The following SLC39A14 variants were observed in gnomAD, a reference collection of about 807,000 sequenced individuals.
The protein encoded by SLC39A14 is metal cation symporter ZIP14.
A neutral mutation model predicts 45.5 loss-of-function variants in SLC39A14; 19 were observed. The ratio of observed to expected loss-of-function variants is 0.42; its 90% CI spans 0.29 to 0.61. The LOEUF (loss-of-function observed/expected upper bound fraction) is 0.61, where lower values mean the gene tolerates loss of function less well. SLC39A14 is among the 20% of genes least tolerant of loss of function. SLC39A14 has a pLI of 0.22. For missense variants in SLC39A14, 447 were observed against 616.5 expected (o/e 0.73, Z 2.91); for synonymous variants, 264 against 251.3 (o/e 1.05, Z -0.48).
At chr8:22,415,738 T>C in intron 5 of SLC39A14, 31 bp from the exon 6 acceptor site, 1 of 1,598,432 alleles carries the variant, frequency 6.3e-7, no homozygotes, top group Non-Finnish European at 8.5e-7. Flanking sequence ...TTGGTGAATG[T>C]CATGCTGATC....
At chr8:22,401,473 T>C (rs766926562) in intron 1 of SLC39A14, among the ~76,000 whole-genome samples, 43 of 151,852 alleles carry the variant, frequency 2.8e-4, no homozygotes, top group Non-Finnish European at 5.4e-4. Flanking sequence ...AGAAAAATCG[T>C]CATCAATCTT....
At chr8:22,384,567 G>A (rs984581146) in intron 1 of SLC39A14, among the ~76,000 whole-genome samples, 3 of 151,796 alleles carry the variant, frequency 2.0e-5, no homozygotes, top group Non-Finnish European at 4.4e-5. Flanking sequence ...GGCCAACATG[G>A]CTAAACCCTG....
chr8:22,412,256 G>A, intron 4 of SLC39A14, 50 bp downstream of exon 4: 2 of 1,535,594 alleles, frequency 1.3e-6, no homozygotes, highest in Non-Finnish European at 1.8e-6. Flanking sequence ...GGGCACAGTG[G>A]GAGGACCTCC....
chr8:22,399,743 G>A (rs1277377242), intron 1 of SLC39A14, among the ~76,000 whole-genome samples: 1 of 152,288 alleles, frequency 6.6e-6, no homozygotes, highest in Non-Finnish European at 1.5e-5. Context: ...CACCTGAGGG[G>A]CCGAGGGGCC....
intron 1 of SLC39A14, among the ~76,000 whole-genome samples, chr8:22,378,223 T>TG (rs1563485189): frequency 1.3e-5 from 2 of 152,300 alleles, no homozygotes; most frequent in Admixed American, 1.3e-4. Flanking sequence ...TTCACTGCTC[T>TG]GGGGAGTGGA....
Position 22,420,276 on chromosome 8 carries a change from G to A in SLC39A14, c.*578G>A. On this transcript the variant is annotated 3_prime_UTR_variant, in exon 9 of 9. Coordinates refer to ENST00000381237, the MANE Select transcript of SLC39A14 (RefSeq NM_001128431.4). Reference sequence around the variant, plus strand: ...ATGAGCAGGGTGAGAGGTGAGGCAAGGTTCATCCTGAATGGGAGAGGAAGT... The same window carrying A: ...ATGAGCAGGGTGAGAGGTGAGGCAAAGTTCATCCTGAATGGGAGAGGAAGT... 1 of 985,502 alleles carries A rather than the reference G, an allele frequency of 1.0e-6. No homozygotes were observed. The highest frequency in any genetic ancestry group is 4.7e-5 in the South Asian group (1 of 21,286). The allele number at this position is 985,502 out of a possible 1,614,324, so 61.0% of individuals were successfully genotyped here.
chr8:22,426,869 A>T (rs1490970633), downstream of SLC39A14, among the ~76,000 whole-genome samples: 2 of 151,928 alleles, frequency 1.3e-5, no homozygotes, highest in African/African-American at 2.4e-5. Context: ...TTTTTAGTAG[A>T]GATGGGGTTT....
intron 1 of SLC39A14, among the ~76,000 whole-genome samples, chr8:22,399,185 G>C (rs915433661): frequency 6.6e-6 from 1 of 152,198 alleles, no homozygotes; most frequent in Non-Finnish European, 1.5e-5. Flanking sequence ...ACATGGAATG[G>C]AACCTGGCGT....
In SLC39A14 at chr8:22,367,325, C is replaced by A. The variant is rs1352047954; in HGVS notation, c.-99C>A. 2 of 151,730 alleles carry A rather than the reference C, an allele frequency of 1.3e-5. No individual in the cohort carries two copies. Among genetic ancestry groups the A allele is most frequent in the Admixed American group, 6.6e-5 (1 of 15,206 alleles). 9.4% of individuals were successfully genotyped at this position (151,730 alleles called of 1,614,324 possible). On this transcript the variant is annotated 5_prime_UTR_variant, in exon 1 of 9. Coordinates refer to ENST00000381237, the MANE Select transcript of SLC39A14 (RefSeq NM_001128431.4). This position sits in a 1 kb window ranked among gnomAD's most constrained non-coding sequence, Gnocchi z 4.2. ...CGGCGCGCGTGTCTACGCGGACGCA[C>A]CGGCTAAGCTGCTTCTGCCGCCGCC...
Position 22,404,707 on chromosome 8 carries a change from CA to C in SLC39A14, c.-3del. On this transcript the variant is annotated 5_prime_UTR_variant, in exon 2 of 9. Coordinates refer to ENST00000381237, the MANE Select transcript of SLC39A14 (RefSeq NM_001128431.4). ...TTTTTCTCTCACAGGTTTATTCAGT[CA>C]CCATGAAGCTGCTGCTGCTGCACCC... 6.3e-7 allele frequency: 1 copy of C among 1,592,260 alleles called. No individual in the cohort carries two copies. The highest frequency in any genetic ancestry group is 8.5e-7 in the Non-Finnish European group (1 of 1,177,024).
Position 22,420,438 on chromosome 8 carries a change from C to T in SLC39A14, c.*740C>T. On this transcript the variant is annotated 3_prime_UTR_variant, in exon 9 of 9. Transcript: ENST00000381237. Reference sequence around the variant, plus strand: ...GGCGGTGTGGCTGCCTGGACCTCCTCTTTCAGGTTAACGCTGACAGAATGG... The same window carrying T: ...GGCGGTGTGGCTGCCTGGACCTCCTTTTTCAGGTTAACGCTGACAGAATGG... The T allele has an allele frequency of 4.1e-6, 4 of 985,446 alleles. No individual in the cohort carries two copies. The highest frequency in any genetic ancestry group is 4.8e-6 in the Non-Finnish European group (4 of 829,958). 61.0% of individuals were successfully genotyped at this position (985,446 alleles called of 1,614,324 possible). A position where few individuals can be genotyped will look rare whatever the true frequency, so the allele number is the denominator to read the frequency against.
At chr8:22,371,986 G>A (rs537752786) in intron 1 of SLC39A14, among the ~76,000 whole-genome samples, 229 of 149,778 alleles carry the variant, frequency 1.5e-3, no homozygotes, top group African/African-American at 5.4e-3. Context: ...TTTGTGATCC[G>A]CCCGCCTCAG....
At chr8:22,383,158 A>T in intron 1 of SLC39A14, among the ~76,000 whole-genome samples, 1 of 152,220 alleles carries the variant, frequency 6.6e-6, no homozygotes, top group East Asian at 1.9e-4. Context: ...TCAGCAAATC[A>T]TATAGTAAGT....
intron 7 of SLC39A14, among the ~76,000 whole-genome samples, chr8:22,416,639 G>A (rs1014058888): frequency 1.3e-4 from 19 of 149,590 alleles, no homozygotes; most frequent in African/African-American, 2.2e-4. Flanking sequence ...GTTTCACTAC[G>A]TTGGCCAGGC....
intron 1 of SLC39A14, among the ~76,000 whole-genome samples, chr8:22,389,594 A>G (rs969833847): frequency 1.3e-5 from 2 of 151,980 alleles, no homozygotes; most frequent in African/African-American, 4.8e-5. Flanking sequence ...GGTGCTTGTC[A>G]TGGGCCAGCA....
At position 22,416,228 on chromosome 8, in the gene SLC39A14, A is replaced by T; in HGVS notation, c.1095A>T (p.Gln365His). 6.2e-7 allele frequency: 1 copy of T among 1,613,538 alleles called. No individual in the cohort carries two copies. The highest frequency in any genetic ancestry group is 8.5e-7 in the Non-Finnish European group (1 of 1,179,978). Reference protein sequence around the residue: ...IGASFTVSVFQGISTSVAILC... With the variant: ...IGASFTVSVFHGISTSVAILC... ...CTTCCTTCACTGTGTCAGTTTTCCA[A>T]GGCATCAGCACCTCGGTGGCCATCC... The change falls in exon 7 of 9, where the codon CAA becomes CAT. Residue 365 changes from glutamine (Q) to histidine (H), a missense_variant. Gln to His is a conservative substitution (Grantham distance 24). Coordinates refer to ENST00000381237, the MANE Select transcript of SLC39A14 (RefSeq NM_001128431.4).
chr8:22,381,574 A>T (rs1330421504), intron 1 of SLC39A14, among the ~76,000 whole-genome samples: 1 of 152,180 alleles, frequency 6.6e-6, no homozygotes, highest in Non-Finnish European at 1.5e-5. Flanking sequence ...CCGGCCCCTA[A>T]ATTTTTTTAA....
At chr8:22,393,586 A>G (rs1433330670) in intron 1 of SLC39A14, among the ~76,000 whole-genome samples, 2 of 152,242 alleles carry the variant, frequency 1.3e-5, no homozygotes, top group Non-Finnish European at 2.9e-5. Context: ...TAGTTTGACC[A>G]TGAATATCCA....
At chr8:22,417,253 A>G (rs1835941308) in intron 7 of SLC39A14, among the ~76,000 whole-genome samples, 1 of 152,250 alleles carries the variant, frequency 6.6e-6, no homozygotes. Flanking sequence ...CTATGAATCC[A>G]GAGAGAAATG....
Sources: gnomAD v4.1 joint callset for allele counts (sites outside exome capture counted in the v4.1 genomes callset) on GRCh38, gnomAD v4.1.1 for gene constraint, Gnocchi (gnomAD v3.1) non-coding constraint, MANE v1.5 for transcripts, NCBI Gene and HGNC (gene_info 2026-07-23, HGNC 2026-07-21) for gene names.